Variants in NEO1 observed in about 807,000 individuals in gnomAD.
NEO1 encodes the protein neogenin 1, also known as neogenin.
A neutral mutation model predicts 159.7 loss-of-function variants in NEO1; 63 were observed. The ratio of observed to expected loss-of-function variants is 0.39; its 90% CI spans 0.32 to 0.49. The LOEUF (loss-of-function observed/expected upper bound fraction) is 0.49. Ranked by LOEUF, NEO1 falls within the 20% of genes least tolerant of loss-of-function variation. The probability of loss-of-function intolerance (pLI) is 0.85; values close to 1 mark genes in which losing one functional copy is unlikely to be tolerated. For missense variants in NEO1, 1,615 were observed against 1,831.0 expected (o/e 0.88, Z 2.15); for synonymous variants, 633 against 662.0 (o/e 0.96, Z 0.67).
At chr15:73,223,263 TG>T (rs1183961132) in intron 7 of NEO1, among the ~76,000 whole-genome samples, 1 of 152,150 alleles carries the variant, frequency 6.6e-6, no homozygotes, top group Admixed American at 6.5e-5. Context: ...CTGTGGTTGT[TG>T]GATGAAATGT....
rs1424668004 is a variant in NEO1, at chr15:73,097,798, T to G, written c.131-18742T>G. Among the ~76,000 whole-genome samples, 7 of 104,728 alleles carry G rather than the reference T, an allele frequency of 6.7e-5. No homozygotes were observed. The Admixed American group carries it at 6.9e-4, about 10-fold the overall frequency. 68.7% of individuals were successfully genotyped at this position (104,728 alleles called of 152,430 possible). ...AGCCTTTTTTTTTTTTTTTTTTTTTTGTAAGTTCTTTTCAGTGGAAAATGA... is the reference window on the plus strand; with the variant it reads ...AGCCTTTTTTTTTTTTTTTTTTTTTGGTAAGTTCTTTTCAGTGGAAAATGA... On this transcript the variant is annotated intron_variant, in intron 1 of 28. Transcript: ENST00000261908.
At chr15:73,204,799 G>C (rs2037118794) in intron 7 of NEO1, among the ~76,000 whole-genome samples, 1 of 151,924 alleles carries the variant, frequency 6.6e-6, no homozygotes, top group Non-Finnish European at 1.5e-5. Context: ...TTCTTGTTTG[G>C]GGCATGAAAA....
In NEO1 at chr15:73,266,353, T is replaced by A. The variant is rs1182405263; in HGVS notation, c.2436T>A (p.Phe812Leu). 3.7e-6 allele frequency: 6 copies of A among 1,613,712 alleles called. No individual in the cohort carries two copies. The highest frequency in any genetic ancestry group is 5.1e-6 in the Non-Finnish European group (6 of 1,179,850). ...SSHYVITLKA[F>L]NNVGEGIPLY... ...ACTATGTGATTACCCTGAAAGCATT[T>A]AATAACGTGGGTGAAGGCATCCCCC... is the stretch of plus-strand genomic sequence containing the variant. The change falls in exon 16 of 29, where the codon TTT (phenylalanine) becomes TTA (leucine). Residue 812 changes from phenylalanine to leucine, a missense_variant. This residue lies in a region of NEO1 where 1,018 missense variants were observed against 1,115.4 expected (regional missense o/e 0.91). Transcript: ENST00000261908.
At position 73,222,476 on chromosome 15, in the gene NEO1, A is replaced by G. The variant is rs562264160; in HGVS notation, c.1292-13871A>G. Among the ~76,000 whole-genome samples, 8 of 152,156 alleles carry G rather than the reference A, an allele frequency of 5.3e-5. No individual in the cohort carries two copies. In the East Asian group the frequency reaches 1.4e-3, roughly 26 times the overall value. ...TTTAGAGTATCTAATTCCTGATTAA[A>G]GCTAGGAGGGTTGTACTTTTCCAGG... is the stretch of plus-strand genomic sequence containing the variant. On this transcript the variant is annotated intron_variant, in intron 7 of 28. Coordinates refer to ENST00000261908, the MANE Select transcript of NEO1 (RefSeq NM_002499.4).
At chr15:73,176,820 C>G (rs1350021561) in intron 6 of NEO1, among the ~76,000 whole-genome samples, 1 of 152,158 alleles carries the variant, frequency 6.6e-6, no homozygotes, top group Non-Finnish European at 1.5e-5. Context: ...CACTGGCACT[C>G]TGAAACACAG....
chr15:73,077,750 A>G (rs181860393), intron 1 of NEO1, among the ~76,000 whole-genome samples: 1 of 152,198 alleles, frequency 6.6e-6, no homozygotes, highest in Admixed American at 6.5e-5. Context: ...GGCATATCAT[A>G]CGTAAAAATA....
intron 2 of NEO1, among the ~76,000 whole-genome samples, chr15:73,117,368 G>A (rs543012264): frequency 1.3e-5 from 2 of 152,302 alleles, no homozygotes; most frequent in East Asian, 3.9e-4. Flanking sequence ...CTCCTTTTCA[G>A]AGTATCCTTA....
intron 1 of NEO1, among the ~76,000 whole-genome samples, chr15:73,115,411 T>C (rs2151606484): frequency 6.6e-6 from 1 of 152,338 alleles, no homozygotes; most frequent in South Asian, 2.1e-4. Flanking sequence ...AGAATTTGTT[T>C]ATCATTGAAG....
intron 7 of NEO1, among the ~76,000 whole-genome samples, chr15:73,210,054 A>G (rs1179008798): frequency 6.6e-6 from 1 of 152,166 alleles, no homozygotes. Flanking sequence ...TTGTGATGAC[A>G]TTGCCATATA....
chr15:73,082,502 A>G (rs2069120012), intron 1 of NEO1, among the ~76,000 whole-genome samples: 1 of 151,850 alleles, frequency 6.6e-6, no homozygotes, highest in African/African-American at 2.4e-5. Flanking sequence ...GTGGATAGTC[A>G]TTGATTCACA....
At chr15:73,241,435 C>T (rs1018461101) in intron 8 of NEO1, among the ~76,000 whole-genome samples, 33 of 152,068 alleles carry the variant, frequency 2.2e-4, no homozygotes, top group Non-Finnish European at 4.6e-4. Context: ...TATATAATAT[C>T]CTCCATTTTG....
At chr15:73,175,888 C>A (rs947737868) in intron 5 of NEO1, among the ~76,000 whole-genome samples, 1 of 152,168 alleles carries the variant, frequency 6.6e-6, no homozygotes, top group African/African-American at 2.4e-5. Context: ...CCCTGTAAAA[C>A]CATTGCATAT....
intron 15 of NEO1, among the ~76,000 whole-genome samples, chr15:73,265,119 G>A (rs1394103591): frequency 2.0e-5 from 3 of 152,156 alleles, no homozygotes; most frequent in African/African-American, 7.2e-5. Flanking sequence ...AGTGCTCAGT[G>A]AACTGATAAG....
chr15:73,298,769 C>T (rs1472439728), intron 27 of NEO1, among the ~76,000 whole-genome samples, 158 bp downstream of exon 27: 1 of 152,210 alleles, frequency 6.6e-6, no homozygotes, highest in Non-Finnish European at 1.5e-5. Context: ...GCCATTGCCC[C>T]GCCCAGGAAG....
At chr15:73,167,803 T>C (rs2034678032) in intron 5 of NEO1, among the ~76,000 whole-genome samples, 1 of 152,214 alleles carries the variant, frequency 6.6e-6, no homozygotes, top group Admixed American at 6.5e-5. Context: ...TTAAGAGCTT[T>C]AGACCGTAAG....
At chr15:73,239,130 C>T (rs1427167713) in intron 8 of NEO1, among the ~76,000 whole-genome samples, 3 of 152,104 alleles carry the variant, frequency 2.0e-5, no homozygotes, top group Admixed American at 6.5e-5. Flanking sequence ...CAGGCATGAG[C>T]CACTGTGCCT....
chr15:73,162,152 G>C, intron 5 of NEO1: 1 of 224,794 alleles, frequency 4.4e-6, no homozygotes, highest in South Asian at 7.8e-5. Flanking sequence ...ACCTCCAGGG[G>C]CAGATCACTT....
chr15:73,059,552 G>A (rs1235599281), intron 1 of NEO1, among the ~76,000 whole-genome samples: 2 of 152,204 alleles, frequency 1.3e-5, no homozygotes, highest in African/African-American at 2.4e-5. Context: ...TGAATTGGAC[G>A]TGCTTTCTGT....
intron 25 of NEO1, 127 bp from the exon 26 acceptor site, chr15:73,293,263 C>A: frequency 1.8e-6 from 2 of 1,132,736 alleles, no homozygotes; most frequent in Admixed American, 2.0e-5. Flanking sequence ...CCAGCTGCCA[C>A]CAAAAAACCA....
Sources: allele counts gnomAD v4.1 joint callset (sites outside exome capture counted in the v4.1 genomes callset), GRCh38; gene constraint gnomAD v4.1.1; regional missense constraint gnomAD v4.1.1; transcripts MANE v1.5; gene names NCBI Gene and HGNC (gene_info 2026-07-23, HGNC 2026-07-21).